The following TSHZ2 variants were observed in gnomAD, a reference collection of about 807,000 sequenced individuals.
TSHZ2 encodes the protein teashirt zinc finger homeobox 2, also known as teashirt homolog 2.
A neutral mutation model predicts 74.4 loss-of-function variants in TSHZ2; 21 were observed. That is an observed-to-expected ratio of 0.28 (90% CI 0.20 to 0.41). TSHZ2 has a LOEUF of 0.41. TSHZ2 is among the 10% of genes least tolerant of loss of function. The pLI, the probability that TSHZ2 is intolerant of heterozygous loss-of-function variation, is 1.00. For synonymous variants in TSHZ2, 540 were observed against 515.3 expected, an observed-to-expected ratio of 1.05 and a Z score of -0.65; for missense variants, 1,244 against 1,293.5, an observed-to-expected ratio of 0.96 and a Z score of 0.59.
At chr20:53,394,859 C>CAA (rs1005992034) in intron 2 of TSHZ2, among the ~76,000 whole-genome samples, 43 of 44,118 alleles carry the variant, frequency 9.7e-4, no homozygotes, top group African/African-American at 2.0e-3. Context: ...CAGAACTCAC[C>CAA]AAAAAAAAAA....
At chr20:53,472,271 G>A (rs1041700081) in intron 2 of TSHZ2, among the ~76,000 whole-genome samples, 4 of 152,246 alleles carry the variant, frequency 2.6e-5, no homozygotes, top group African/African-American at 9.6e-5. Context: ...GCGCAGGCCT[G>A]AATTGTGTGC....
intron 2 of TSHZ2, among the ~76,000 whole-genome samples, chr20:53,313,592 A>G (rs989009974): frequency 5.9e-5 from 9 of 152,186 alleles, no homozygotes; most frequent in Admixed American, 4.6e-4. Context: ...CTTTTGTTCC[A>G]AACCTCTTTA....
chr20:53,174,857 A>C (rs1344837885), intron 1 of TSHZ2, among the ~76,000 whole-genome samples: 1 of 152,190 alleles, frequency 6.6e-6, no homozygotes, highest in Non-Finnish European at 1.5e-5. Flanking sequence ...TAGTGGTAGG[A>C]AGGAGGCAGC....
At chr20:53,186,771 G>A (rs528465194) in intron 1 of TSHZ2, among the ~76,000 whole-genome samples, 1 of 152,136 alleles carries the variant, frequency 6.6e-6, no homozygotes, top group Non-Finnish European at 1.5e-5. Flanking sequence ...ACCACACGGG[G>A]GAGGGAGGCA....
chr20:53,060,522 A>C (rs944920409), intron 1 of TSHZ2, among the ~76,000 whole-genome samples: 1 of 152,212 alleles, frequency 6.6e-6, no homozygotes, highest in African/African-American at 2.4e-5. Flanking sequence ...GCAGGACACA[A>C]GTATTGACAG....
chr20:53,255,458 C>T lies in TSHZ2; in HGVS notation c.2000C>T (p.Pro667Leu). The T allele has an allele frequency of 6.2e-7, 1 of 1,610,288 alleles. No individual in the cohort carries two copies. Among genetic ancestry groups the T allele is most frequent in the Non-Finnish European group, 8.5e-7 (1 of 1,179,720 alleles). ...AAAGAGGGCAGCGAGAAGGAGAAAC[C>T]CCAGCCCCTGGAGCCCACATCTGCT... ...LMKEGSEKEK[P>L]QPLEPTSALS... The change falls in exon 2 of 3, where the codon CCC becomes CTC. Residue 667 changes from proline (P) to leucine (L), a missense_variant. Pro to Leu is a moderately conservative substitution (Grantham distance 98). Around this residue, in one of 6 missense-constraint regions of TSHZ2, gnomAD observed 562 missense variants for 544.0 expected, o/e 1.03. Coordinates refer to ENST00000371497, the MANE Select transcript of TSHZ2 (RefSeq NM_173485.6). This position sits in a 1 kb window ranked among gnomAD's most constrained non-coding sequence, Gnocchi z 4.1.
intron 2 of TSHZ2, among the ~76,000 whole-genome samples, chr20:53,472,011 G>A (rs1338641385): frequency 2.6e-5 from 4 of 151,964 alleles, no homozygotes; most frequent in African/African-American, 4.8e-5. Flanking sequence ...CTTCATGTTG[G>A]TCAGGCTGGT....
intron 1 of TSHZ2, among the ~76,000 whole-genome samples, chr20:53,231,325 C>A (rs1226661847): frequency 6.6e-6 from 1 of 152,190 alleles, no homozygotes; most frequent in Non-Finnish European, 1.5e-5. Flanking sequence ...TCAACCCATG[C>A]GCCCCTTCAG....
At chr20:53,042,549 C>T (rs1984079085) in intron 1 of TSHZ2, among the ~76,000 whole-genome samples, 1 of 151,972 alleles carries the variant, frequency 6.6e-6, no homozygotes, top group Non-Finnish European at 1.5e-5. Context: ...AAACAATTTG[C>T]CTAATGAAAC....
chr20:53,134,576 G>A lies in TSHZ2; in HGVS notation c.41-118923G>A, dbSNP rs144410669. On this transcript the variant is annotated intron_variant, in intron 1 of 2. Coordinates refer to ENST00000371497, the MANE Select transcript of TSHZ2 (RefSeq NM_173485.6). ...GGATTTTGACTTGTCTGTGTCTTCC[G>A]AAGGAGATGCATCCTCTATGTATTA... is the stretch of plus-strand genomic sequence containing the variant. 5.0e-3 allele frequency among the ~76,000 whole-genome samples: 764 copies of A among 152,216 alleles called. 3 individuals are homozygous for A. The highest frequency in any genetic ancestry group is 0.034 in the Middle Eastern group (10 of 294).
intron 1 of TSHZ2, among the ~76,000 whole-genome samples, chr20:53,193,195 A>G (rs1303422744): frequency 6.6e-6 from 1 of 152,064 alleles, no homozygotes; most frequent in East Asian, 1.9e-4. Context: ...AAAGAAAAAA[A>G]AAACACCACC....
intron 2 of TSHZ2, among the ~76,000 whole-genome samples, chr20:53,371,604 G>A (rs1981472658): frequency 6.6e-6 from 1 of 152,170 alleles, no homozygotes; most frequent in African/African-American, 2.4e-5. Flanking sequence ...GGGAGGAGGG[G>A]GTGGCTCACG....
At chr20:53,419,584 T>A (rs1034502471) in intron 2 of TSHZ2, among the ~76,000 whole-genome samples, 4 of 152,196 alleles carry the variant, frequency 2.6e-5, no homozygotes, top group African/African-American at 9.6e-5. Context: ...TTGCCCACTC[T>A]ATAAAGAGCA....
chr20:53,419,382 A>G (rs1486247470), intron 2 of TSHZ2, among the ~76,000 whole-genome samples: 6 of 152,180 alleles, frequency 3.9e-5, no homozygotes, highest in Admixed American at 2.0e-4. Context: ...TGAGGATGAG[A>G]GATAAGGTAT....
chr20:53,376,621 AC>A (rs1981665685), intron 2 of TSHZ2, among the ~76,000 whole-genome samples: 1 of 152,198 alleles, frequency 6.6e-6, no homozygotes, highest in South Asian at 2.1e-4. Context: ...TGAAGCCTTT[AC>A]TTCCAGTTGG....
chr20:53,228,870 T>C (rs900816530), intron 1 of TSHZ2, among the ~76,000 whole-genome samples: 10 of 152,178 alleles, frequency 6.6e-5, no homozygotes, highest in Admixed American at 6.5e-4. Context: ...TGAGAATCCG[T>C]GCCCGAAAGA....
At chr20:53,433,922 G>T (rs58742549) in intron 2 of TSHZ2, among the ~76,000 whole-genome samples, 1 of 152,160 alleles carries the variant, frequency 6.6e-6, no homozygotes, top group Admixed American at 6.5e-5. Flanking sequence ...AGGCTGGAGT[G>T]CAGTGGTGCA....
chr20:53,370,928 T>C (rs1257003724), intron 2 of TSHZ2, among the ~76,000 whole-genome samples: 1 of 152,164 alleles, frequency 6.6e-6, no homozygotes, highest in Non-Finnish European at 1.5e-5. Flanking sequence ...CGCTGGAGGT[T>C]GGAAATCAAG....
At chr20:53,161,252 T>C (rs1987932033) in intron 1 of TSHZ2, among the ~76,000 whole-genome samples, 1 of 151,742 alleles carries the variant, frequency 6.6e-6, no homozygotes, top group Non-Finnish European at 1.5e-5. Flanking sequence ...GAATGAGTGT[T>C]CTAGGCAGTG....
Sources: gnomAD v4.1 joint callset for allele counts (sites outside exome capture counted in the v4.1 genomes callset) on GRCh38, gnomAD v4.1.1 for gene constraint, gnomAD v4.1.1 regional missense constraint, Gnocchi (gnomAD v3.1) non-coding constraint, MANE v1.5 for transcripts, NCBI Gene and HGNC (gene_info 2026-07-23, HGNC 2026-07-21) for gene names.